FHOD3: variants seen among roughly 807,000 people sequenced by gnomAD.
FHOD3 encodes the protein formin homology 2 domain containing 3.
A neutral mutation model predicts 173.0 loss-of-function variants in FHOD3; 90 were observed. The ratio of observed to expected loss-of-function variants is 0.52; its 90% confidence interval spans 0.44 to 0.62. The LOEUF (loss-of-function observed/expected upper bound fraction) is 0.62, where lower values mean the gene tolerates loss of function less well. Among genes scored for constraint, FHOD3 ranks in the 20% least tolerant of loss-of-function variants. The pLI is 0.00. For missense variants in FHOD3, 1,945 were observed against 2,034.7 expected (o/e 0.96, Z 0.85); for synonymous variants, 828 against 823.0 (o/e 1.01, Z -0.10).
intron 15 of FHOD3, 66 bp from the exon 16 acceptor site, chr18:36,687,062 A>G: frequency 8.4e-7 from 1 of 1,195,006 alleles, no homozygotes; most frequent in South Asian, 1.3e-5. Flanking sequence ...ATTTATTGGT[A>G]ATTTTCTGAG....
intron 18 of FHOD3, among the ~76,000 whole-genome samples, chr18:36,716,301 G>T (rs1227895997): frequency 1.3e-5 from 2 of 152,170 alleles, no homozygotes; most frequent in East Asian, 3.9e-4. Flanking sequence ...AAAAGCAGCT[G>T]GATTCTGGAT....
chr18:36,682,643 C>T (rs564063886), intron 15 of FHOD3, among the ~76,000 whole-genome samples: 19 of 152,208 alleles, frequency 1.2e-4, no homozygotes, highest in South Asian at 1.0e-3. Context: ...AGTACAGTGG[C>T]GCAATCTTGG....
At chr18:36,327,328 G>C (rs940088017) in intron 1 of FHOD3, among the ~76,000 whole-genome samples, 1 of 152,208 alleles carries the variant, frequency 6.6e-6, no homozygotes, top group African/African-American at 2.4e-5. Context: ...GATGATGCTT[G>C]GAATGCAGTA....
At chr18:36,730,017 T>C (rs75472405) in intron 19 of FHOD3, among the ~76,000 whole-genome samples, 2,375 of 152,334 alleles carry the variant, frequency 0.016, 50 homozygotes, top group African/African-American at 0.054. Context: ...GCATGCCCTT[T>C]CCTTTCTTTT....
intron 14 of FHOD3, among the ~76,000 whole-genome samples, chr18:36,678,516 C>A (rs1259540488): frequency 1.9e-5 from 2 of 105,060 alleles, no homozygotes; most frequent in Admixed American, 1.2e-4. Flanking sequence ...GACAATGAGA[C>A]CCTGTCTCAA....
intron 2 of FHOD3, among the ~76,000 whole-genome samples, chr18:36,358,565 A>G (rs1264642138): frequency 1.3e-5 from 2 of 152,242 alleles, no homozygotes; most frequent in Non-Finnish European, 2.9e-5. Flanking sequence ...TTGCTGGGAA[A>G]ATGAATTATG....
chr18:36,501,866 C>A (rs1254585433), intron 3 of FHOD3, 66 bp from the exon 4 acceptor site: 9 of 1,118,624 alleles, frequency 8.0e-6, no homozygotes. Flanking sequence ...CATTCATATC[C>A]TGTCTGTGTT....
At chr18:36,736,448 C>T (rs1046496277) in intron 20 of FHOD3, among the ~76,000 whole-genome samples, 7 of 152,118 alleles carry the variant, frequency 4.6e-5, no homozygotes, top group African/African-American at 1.2e-4. Context: ...GTCACATAAA[C>T]GAATTGAAAG....
In FHOD3 at chr18:36,341,412, G is replaced by GA. The variant is rs1598770805; in HGVS notation, c.166-14120dup. Among the ~76,000 whole-genome samples, 3 of 152,128 alleles carry GA rather than the reference G, an allele frequency of 2.0e-5. No homozygotes were observed. The South Asian group carries it at 6.2e-4, about 32-fold the overall frequency. ...AACTACCAAGGTGGCCAAGACCCCA[G>GA]AAAAAAAGGAGACTCAGTGAGGTCA... On this transcript the variant is annotated intron_variant, in intron 1 of 28. Transcript: ENST00000590592.
At chr18:36,470,663 G>T (rs111842299) in intron 3 of FHOD3, among the ~76,000 whole-genome samples, 2 of 151,332 alleles carry the variant, frequency 1.3e-5, no homozygotes, top group Non-Finnish European at 3.0e-5. Flanking sequence ...CATTGGCTTT[G>T]TTTGTTCCCT....
chr18:36,350,660 G>A (rs1022259048), intron 1 of FHOD3, among the ~76,000 whole-genome samples: 2 of 152,170 alleles, frequency 1.3e-5, no homozygotes, highest in African/African-American at 2.4e-5. Flanking sequence ...GGTTGCCTCC[G>A]TGTAAGTAAG....
intron 3 of FHOD3, among the ~76,000 whole-genome samples, chr18:36,376,688 C>T (rs371248331): frequency 3.6e-4 from 55 of 152,310 alleles, no homozygotes; most frequent in African/African-American, 1.2e-3. Flanking sequence ...TGAGAGAAGG[C>T]CACTCCATTA....
At chr18:36,448,232 A>G (rs2051611628) in intron 3 of FHOD3, among the ~76,000 whole-genome samples, 1 of 152,150 alleles carries the variant, frequency 6.6e-6, no homozygotes, top group Non-Finnish European at 1.5e-5. Context: ...TCTCCCTGAA[A>G]TTACTAAAAT....
intron 5 of FHOD3, among the ~76,000 whole-genome samples, chr18:36,548,157 A>G (rs1779951155): frequency 6.6e-6 from 1 of 152,110 alleles, no homozygotes; most frequent in Non-Finnish European, 1.5e-5. Flanking sequence ...GTGCCACTGC[A>G]CTCCAGCCTG....
chr18:36,610,692 C>A (rs1430966111), intron 8 of FHOD3, among the ~76,000 whole-genome samples: 1 of 152,186 alleles, frequency 6.6e-6, no homozygotes, highest in Admixed American at 6.5e-5. Flanking sequence ...ACACTGATAG[C>A]CCCAAGATAG....
At chr18:36,452,302 A>C (rs2051904752) in intron 3 of FHOD3, among the ~76,000 whole-genome samples, 1 of 152,130 alleles carries the variant, frequency 6.6e-6, no homozygotes, top group Admixed American at 6.5e-5. Context: ...TCTACCCACA[A>C]AGCAGGCCTG....
At chr18:36,530,843 G>A (rs1375429744) in intron 5 of FHOD3, among the ~76,000 whole-genome samples, 3 of 152,146 alleles carry the variant, frequency 2.0e-5, no homozygotes, top group Non-Finnish European at 4.4e-5. Context: ...ATTCATCCTG[G>A]GTTGCTTCTT....
At position 36,742,835 on chromosome 18, in the gene FHOD3, G is replaced by T. The variant is rs199603975; in HGVS notation, c.3858G>T (p.Gly1286=). Residue 1286 remains glycine (G), a synonymous_variant, in exon 22 of 29, where the codon GGG becomes GGT. Transcript: ENST00000590592. Reference sequence around the variant, plus strand: ...TCCTGTCTACTCTCTTAGCCATTGGGAACTTTCTAAATGGAACTAATGTAA... The same window carrying T: ...TCCTGTCTACTCTCTTAGCCATTGGTAACTTTCTAAATGGAACTAATGTAA... ...GFILSTLLAI[G]NFLNGTNAKA... is the part of the protein sequence containing the mutation. The T allele has an allele frequency of 6.9e-5, 111 of 1,613,584 alleles. No homozygotes were observed. The highest frequency in any genetic ancestry group is 9.0e-5 in the Non-Finnish European group (106 of 1,179,856).
At chr18:36,528,968 C>T (rs1189960283) in intron 5 of FHOD3, among the ~76,000 whole-genome samples, 1 of 152,182 alleles carries the variant, frequency 6.6e-6, no homozygotes, top group Non-Finnish European at 1.5e-5. Flanking sequence ...TGTCACACAA[C>T]ACAGGTAGCT....
Sources: allele counts gnomAD v4.1 joint callset (sites outside exome capture counted in the v4.1 genomes callset), GRCh38; gene constraint gnomAD v4.1.1; transcripts MANE v1.5; gene names NCBI Gene and HGNC (gene_info 2026-07-23, HGNC 2026-07-21).